The following PLXDC2 variants were observed in gnomAD, a reference collection of about 807,000 sequenced individuals.
PLXDC2 encodes plexin domain containing 2, also known as plexin domain-containing protein 2.
Under a neutral mutation model 68.9 loss-of-function variants are expected in PLXDC2, and 40 were observed. The observed-to-expected ratio is 0.58, with a 90% CI of 0.45 to 0.76. The LOEUF is 0.76. Among genes scored for constraint, PLXDC2 ranks in the 30% least tolerant of loss-of-function variants. PLXDC2 has a pLI of 0.00. For synonymous variants in PLXDC2, 243 were observed against 234.2 expected (o/e 1.04, Z -0.34); for missense variants, 644 against 661.9 (o/e 0.97, Z 0.30).
At chr10:19,874,147 C>G (rs1564615812) in intron 1 of PLXDC2, among the ~76,000 whole-genome samples, 1 of 152,188 alleles carries the variant, frequency 6.6e-6, no homozygotes, top group Non-Finnish European at 1.5e-5. Context: ...GTCTCTGTTA[C>G]TCCTGCCAAT....
At chr10:20,223,375 C>T (rs140675734) in intron 12 of PLXDC2, among the ~76,000 whole-genome samples, 2,105 of 148,952 alleles carry the variant, frequency 0.014, 44 homozygotes, top group African/African-American at 0.048. Flanking sequence ...TGCAGTGACG[C>T]GAACTTGGCT....
At chr10:20,143,621 A>T (rs183281178) in intron 5 of PLXDC2, among the ~76,000 whole-genome samples, 1 of 152,116 alleles carries the variant, frequency 6.6e-6, no homozygotes, top group Non-Finnish European at 1.5e-5. Context: ...ATTAACATCT[A>T]CTATACACAG....
At chr10:19,910,038 C>T (rs1051176919) in intron 1 of PLXDC2, among the ~76,000 whole-genome samples, 1 of 152,072 alleles carries the variant, frequency 6.6e-6, no homozygotes, top group East Asian at 1.9e-4. Context: ...CTTTCACATA[C>T]ATTTTACAAA....
intron 12 of PLXDC2, among the ~76,000 whole-genome samples, chr10:20,226,614 A>G (rs1428132101): frequency 1.3e-5 from 2 of 152,204 alleles, no homozygotes; most frequent in South Asian, 4.1e-4. Context: ...ATCAGGATAT[A>G]CTTTTTCCCC....
chr10:20,054,856 T>C (rs1444262146), intron 3 of PLXDC2, among the ~76,000 whole-genome samples: 4 of 151,566 alleles, frequency 2.6e-5, no homozygotes, highest in Non-Finnish European at 5.9e-5. Flanking sequence ...AGTATAATAA[T>C]AAAAAAAACC....
intron 9 of PLXDC2, among the ~76,000 whole-genome samples, chr10:20,183,270 A>T (rs1026380223): frequency 6.6e-6 from 1 of 151,970 alleles, no homozygotes; most frequent in East Asian, 1.9e-4. Context: ...GTTTAAATTC[A>T]TGGGACTGAA....
intron 2 of PLXDC2, among the ~76,000 whole-genome samples, chr10:20,035,850 T>A (rs1835568362): frequency 6.6e-6 from 1 of 152,146 alleles, no homozygotes; most frequent in African/African-American, 2.4e-5. Flanking sequence ...AGAAGTTGAT[T>A]GTGTGAAATT....
intron 1 of PLXDC2, among the ~76,000 whole-genome samples, chr10:19,838,161 C>T (rs1443705662): frequency 6.6e-6 from 1 of 152,032 alleles, no homozygotes; most frequent in Non-Finnish European, 1.5e-5. Context: ...CAGGGTCTTG[C>T]TATGTTGCCC....
intron 9 of PLXDC2, among the ~76,000 whole-genome samples, chr10:20,200,240 A>C (rs1834898697): frequency 6.6e-6 from 1 of 152,040 alleles, no homozygotes; most frequent in Non-Finnish European, 1.5e-5. Context: ...GCTTTAACAA[A>C]AAGAACAGCC....
chr10:20,205,697 A>G (rs1289856841), intron 9 of PLXDC2, among the ~76,000 whole-genome samples: 3 of 152,136 alleles, frequency 2.0e-5, no homozygotes, highest in Non-Finnish European at 4.4e-5. Context: ...AGGTATTATT[A>G]GGTACAAAGG....
At chr10:19,904,505 T>C (rs1416932202) in intron 1 of PLXDC2, among the ~76,000 whole-genome samples, 3 of 150,090 alleles carry the variant, frequency 2.0e-5, no homozygotes, top group Non-Finnish European at 3.0e-5. Flanking sequence ...AGCAACAGCA[T>C]TGAGTCTGTT....
At chr10:20,189,564 T>C (rs1406830722) in intron 9 of PLXDC2, among the ~76,000 whole-genome samples, 1 of 146,560 alleles carries the variant, frequency 6.8e-6, no homozygotes, top group Non-Finnish European at 1.5e-5. Flanking sequence ...CACATATATA[T>C]ATATACACAT....
chr10:20,231,896 A>C (rs1835369705), intron 12 of PLXDC2, among the ~76,000 whole-genome samples: 1 of 152,042 alleles, frequency 6.6e-6, no homozygotes, highest in Non-Finnish European at 1.5e-5. Flanking sequence ...ATACGCCTGT[A>C]GTCCCAGCTA....
rs374942287 is a variant in PLXDC2, at chr10:20,275,421, A to G, written c.1474-4282A>G. ...GTGTGGCCAGGCAAGTTTGAGAAACACAGATTTAGTTCTGTAGTTTCCAAA... is the reference window on the plus strand; with the variant it reads ...GTGTGGCCAGGCAAGTTTGAGAAACGCAGATTTAGTTCTGTAGTTTCCAAA... On this transcript the variant is annotated intron_variant, in intron 13 of 13. Coordinates refer to ENST00000377252, the MANE Select transcript of PLXDC2 (RefSeq NM_032812.9). Among the ~76,000 whole-genome samples, 6 of 152,248 alleles carry G rather than the reference A, an allele frequency of 3.9e-5. No homozygotes were observed. The South Asian group carries it at 8.3e-4, about 21-fold the overall frequency.
chr10:20,025,466 T>C (rs1835383929), intron 2 of PLXDC2, among the ~76,000 whole-genome samples: 1 of 152,094 alleles, frequency 6.6e-6, no homozygotes, highest in African/African-American at 2.4e-5. Context: ...TTCTCCTTGT[T>C]GGTCAGGCTG....
intron 7 of PLXDC2, among the ~76,000 whole-genome samples, chr10:20,170,874 A>G (rs1834438165): frequency 6.6e-6 from 1 of 151,648 alleles, no homozygotes; most frequent in South Asian, 2.1e-4. Flanking sequence ...ATTTAATTAA[A>G]TAAAATATTA....
At chr10:19,987,720 C>A (rs1834669613) in intron 1 of PLXDC2, among the ~76,000 whole-genome samples, 1 of 151,690 alleles carries the variant, frequency 6.6e-6, no homozygotes, top group Non-Finnish European at 1.5e-5. Flanking sequence ...CGCCACCACC[C>A]CCGGCTATTT....
At chr10:19,925,382 A>G (rs1833524204) in intron 1 of PLXDC2, among the ~76,000 whole-genome samples, 1 of 152,210 alleles carries the variant, frequency 6.6e-6, no homozygotes, top group Non-Finnish European at 1.5e-5. Flanking sequence ...GAGTTGAGCA[A>G]TCCCTCATTT....
At chr10:19,891,886 T>A (rs2131360512) in intron 1 of PLXDC2, among the ~76,000 whole-genome samples, 1 of 152,324 alleles carries the variant, frequency 6.6e-6, no homozygotes, top group South Asian at 2.1e-4. Flanking sequence ...GATTTTTGTT[T>A]TTACAGAATA....
Sources: allele counts gnomAD v4.1 joint callset (sites outside exome capture counted in the v4.1 genomes callset), GRCh38; gene constraint gnomAD v4.1.1; transcripts MANE v1.5; gene names NCBI Gene and HGNC (gene_info 2026-07-23, HGNC 2026-07-21).